Variants in LRRC53 observed in about 807,000 individuals in gnomAD.
LRRC53 encodes the protein leucine-rich repeat-containing protein 53.
Under a neutral mutation model 13.6 loss-of-function variants are expected in LRRC53, and 25 were observed. That is an observed-to-expected ratio of 1.83 (90% CI 1.34 to 2.56). The LOEUF is 2.56. LRRC53 is among the 30% of genes most tolerant of loss of function. LRRC53 has a pLI of 0.00. For missense variants in LRRC53, 527 were observed against 275.8 expected (o/e 1.91, Z -6.45); for synonymous variants, 204 against 109.8 (o/e 1.86, Z -5.37).
chr1:74,530,141 C>T, the LRRC53 span, among the ~76,000 whole-genome samples: 9 of 152,116 alleles, frequency 5.9e-5, no homozygotes, highest in Admixed American at 2.0e-4. Context: ...TAGGTGTCTA[C>T]GTTTCTATTT....
chr1:74,483,382 G>T lies in LRRC53; in HGVS notation c.-26-7C>A, dbSNP rs764271137. The stretch of plus-strand genomic sequence containing the variant: ...AAGAGTACCAGCCATCCACCTGAAA[G>T]GAAAGTAGAGGGCAATGTATATCAT... On this transcript the variant is annotated splice_region_variant and splice_polypyrimidine_tract_variant and intron_variant, in intron 1 of 4. Transcript: ENST00000294635. 3.6e-5 allele frequency: 26 copies of T among 716,824 alleles called. No individual in the cohort carries two copies. Among genetic ancestry groups the T allele is most frequent in the Non-Finnish European group, 2.6e-6 (1 of 384,786 alleles). The allele number at this position is 716,824 out of a possible 1,614,324, so 44.4% of individuals were successfully genotyped here.
intron 1 of LRRC53, among the ~76,000 whole-genome samples, chr1:74,490,683 T>C (rs1421433191): frequency 1.3e-5 from 2 of 152,178 alleles, no homozygotes; most frequent in Admixed American, 1.3e-4. Flanking sequence ...CCTTATCCTC[T>C]CTATTCTTCA....
chr1:74,535,617 A>G, the LRRC53 span, among the ~76,000 whole-genome samples: 30 of 152,306 alleles, frequency 2.0e-4, no homozygotes, highest in African/African-American at 5.3e-4. Flanking sequence ...TAGCTTACAG[A>G]CTTCCAGGGA....
intron 1 of LRRC53, among the ~76,000 whole-genome samples, chr1:74,498,637 AT>A (rs1669455873): frequency 6.6e-6 from 1 of 152,090 alleles, no homozygotes; most frequent in South Asian, 2.1e-4. Flanking sequence ...TGGCATTCAG[AT>A]TTTTTTGACT....
At chr1:74,526,106 G>C in the LRRC53 span, among the ~76,000 whole-genome samples, 1 of 152,206 alleles carries the variant, frequency 6.6e-6, no homozygotes, top group Admixed American at 6.5e-5. Flanking sequence ...ATTTCAAATG[G>C]TTTGTGAAGA....
At chr1:74,526,347 C>T in the LRRC53 span, among the ~76,000 whole-genome samples, 29 of 152,172 alleles carry the variant, frequency 1.9e-4, no homozygotes, top group African/African-American at 5.3e-4. Context: ...CTTTTATCTT[C>T]CATCAATAAA....
chr1:74,483,883 T>G (rs373920561), intron 1 of LRRC53, among the ~76,000 whole-genome samples: 1 of 152,280 alleles, frequency 6.6e-6, no homozygotes, highest in African/African-American at 2.4e-5. Flanking sequence ...CCTTATAGAT[T>G]TAAATGCCAC....
the LRRC53 span, among the ~76,000 whole-genome samples, chr1:74,520,754 C>T: frequency 1.3e-5 from 2 of 151,974 alleles, no homozygotes; most frequent in East Asian, 1.9e-4. Flanking sequence ...GTCTATGTGG[C>T]GGTGATAAAG....
intron 4 of LRRC53, among the ~76,000 whole-genome samples, chr1:74,473,992 C>T (rs1477256159): frequency 1.3e-5 from 2 of 152,062 alleles, no homozygotes. Flanking sequence ...GTGACCTTGG[C>T]TGTTTTCTCC....
At chr1:74,496,833 AATCCCATCTTGTACAT>A (rs1669351808) in intron 1 of LRRC53, among the ~76,000 whole-genome samples, 1 of 152,156 alleles carries the variant, frequency 6.6e-6, no homozygotes, top group Non-Finnish European at 1.5e-5. Flanking sequence ...CAGGGTATGA[AATCCCATCTTGTACAT>A]GGATTACATC....
chr1:74,535,478 CA>C, the LRRC53 span, among the ~76,000 whole-genome samples: 1 of 151,822 alleles, frequency 6.6e-6, no homozygotes, highest in East Asian at 1.9e-4. Flanking sequence ...TCAAATCAAA[CA>C]AACAAAAAAA....
intron 1 of LRRC53, among the ~76,000 whole-genome samples, chr1:74,493,652 A>T (rs1669186485): frequency 6.6e-6 from 1 of 152,162 alleles, no homozygotes; most frequent in South Asian, 2.1e-4. Context: ...CTCATTTTGG[A>T]TGAGCTTGAC....
chr1:74,471,092 T>C lies in LRRC53; in HGVS notation c.2530A>G (p.Thr844Ala), dbSNP rs1487943920. ...DGNTSKLPQP[T>A]PTDAEHRHSH... ...TGCCTGTGCTCAGCATCAGTGGGTG[T>C]AGGTTGGGGCAATTTTGATGTGTTT... is the stretch of plus-strand genomic sequence containing the variant. The change falls in exon 5 of 5, where the codon ACA (threonine) becomes GCA (alanine). Residue 844 changes from threonine (T) to alanine (A), a missense_variant. Thr to Ala is a moderately conservative substitution (Grantham distance 58). Coordinates refer to ENST00000294635, the MANE Select transcript of LRRC53 (RefSeq NM_001382280.1). 2.5e-6 allele frequency: 1 copy of C among 400,608 alleles called. No individual in the cohort carries two copies. 24.8% of individuals were successfully genotyped at this position (400,608 alleles called of 1,614,324 possible).
chr1:74,480,865 T>G lies in LRRC53; in HGVS notation c.192A>C (p.Leu64=). 1 of 717,314 alleles carries G rather than the reference T, an allele frequency of 1.4e-6. No individual in the cohort carries two copies. The highest frequency in any genetic ancestry group is 2.6e-6 in the Non-Finnish European group (1 of 385,064). 44.4% of individuals were successfully genotyped at this position (717,314 alleles called of 1,614,324 possible). The part of the protein sequence containing the change: ...SLLFNLALLS[L]SRNGIEDVQE... ...GAACATCCTCGATACCATTTCTGCT[T>G]AGGGAGAGCAGGGCAAGATTAAACA... The change falls in exon 3 of 5, where the codon CTA becomes CTC. Residue 64 remains leucine (L), a synonymous_variant. Transcript: ENST00000294635.
chr1:74,523,642 A>G, the LRRC53 span, among the ~76,000 whole-genome samples: 1 of 152,174 alleles, frequency 6.6e-6, no homozygotes, highest in Non-Finnish European at 1.5e-5. Flanking sequence ...CTCCTACTGT[A>G]TGCCAGGCCC....
intron 1 of LRRC53, chr1:74,492,044 C>A (rs1570694998): frequency 2.1e-6 from 3 of 1,414,766 alleles, no homozygotes; most frequent in East Asian, 4.8e-5. Context: ...TATGTTATGT[C>A]TTCACACCTG....
chr1:74,472,570 G>T (rs929227511), intron 4 of LRRC53, among the ~76,000 whole-genome samples: 2 of 151,940 alleles, frequency 1.3e-5, no homozygotes, highest in Non-Finnish European at 2.9e-5. Flanking sequence ...TTTCCCATTT[G>T]CAACTTAAAT....
chr1:74,502,293 G>T (rs1284798820), intron 1 of LRRC53, among the ~76,000 whole-genome samples: 1 of 152,120 alleles, frequency 6.6e-6, no homozygotes. Flanking sequence ...TACATGGTAG[G>T]TGCCAAACAC....
Position 74,496,846 on chromosome 1 carries a change from A to G in LRRC53, c.-26-13471T>C, listed in dbSNP as rs554338463. Among the ~76,000 whole-genome samples the G allele has an allele frequency of 3.0e-4, 45 of 152,324 alleles. 1 individual carries two copies. The South Asian group carries it at 5.0e-3, about 17-fold the overall frequency. ...CACAGGGTATGAAATCCCATCTTGT[A>G]CATGGATTACATCATGTAAATTTAG... On this transcript the variant is annotated intron_variant, in intron 1 of 4. Coordinates refer to ENST00000294635, the MANE Select transcript of LRRC53 (RefSeq NM_001382280.1).
Sources: gnomAD v4.1 joint callset for allele counts (sites outside exome capture counted in the v4.1 genomes callset) on GRCh38, gnomAD v4.1.1 for gene constraint, MANE v1.5 for transcripts, NCBI Gene and HGNC (gene_info 2026-07-23, HGNC 2026-07-21) for gene names.